Variants in FUT8 observed in about 807,000 individuals in gnomAD.
The protein encoded by FUT8 is fucosyltransferase 8.
A neutral mutation model predicts 71.3 loss-of-function variants in FUT8; 29 were observed. That is an observed-to-expected ratio of 0.41 (90% CI 0.30 to 0.55). The LOEUF (loss-of-function observed/expected upper bound fraction) is 0.55, where lower values mean the gene tolerates loss of function less well. FUT8 is among the 20% of genes least tolerant of loss of function. The pLI is 0.34. For missense variants in FUT8, 544 were observed against 702.1 expected (o/e 0.77, Z 2.55); for synonymous variants, 254 against 239.3 (o/e 1.06, Z -0.57).
At chr14:65,636,322 T>TG (rs71126773) in intron 6 of FUT8, among the ~76,000 whole-genome samples, 54,770 of 151,788 alleles carry the variant, frequency 0.36, 12,014 homozygotes, top group Non-Finnish European at 0.5. Context: ...TGTATTTTTT[T>TG]TTTGTTTGTT....
chr14:65,460,612 T>C (rs2065956798), intron 2 of FUT8, among the ~76,000 whole-genome samples: 1 of 152,172 alleles, frequency 6.6e-6, no homozygotes, highest in Non-Finnish European at 1.5e-5. Flanking sequence ...TCTGCCAGGA[T>C]TATCTGATGC....
intron 6 of FUT8, among the ~76,000 whole-genome samples, chr14:65,630,715 A>G (rs1168982254): frequency 1.3e-5 from 2 of 152,172 alleles, no homozygotes. Context: ...TAGATGAAAG[A>G]ACTGAAATGG....
At chr14:65,724,780 A>C (rs1895594353) in intron 9 of FUT8, among the ~76,000 whole-genome samples, 1 of 151,968 alleles carries the variant, frequency 6.6e-6, no homozygotes, top group Non-Finnish European at 1.5e-5. Flanking sequence ...CCACTATTTC[A>C]CTCTGTGCTC....
In FUT8 at chr14:65,609,360, T is replaced by G. The variant is rs1888757633; in HGVS notation, c.204-6618T>G. ...CTTTTCATTCTCTTAACTGTGTCTT[T>G]CTAAAAGAAGAGCTTTTAATTTTAG... On this transcript the variant is annotated intron_variant, in intron 3 of 10. Transcript: ENST00000673929. Among the ~76,000 whole-genome samples the G allele has an allele frequency of 2.6e-5, 4 of 151,942 alleles. No homozygotes were observed. In the Middle Eastern group the frequency reaches 0.01, roughly 390 times the overall value.
chr14:65,426,392 C>T (rs564380355), intron 1 of FUT8, among the ~76,000 whole-genome samples: 3 of 150,216 alleles, frequency 2.0e-5, no homozygotes, highest in East Asian at 2.0e-4. Flanking sequence ...GAGAAAAGCA[C>T]ACAAATTTAT....
rs1343034504 is a variant in FUT8, at chr14:65,743,479, T to G, written c.*1069T>G. 1 of 151,854 alleles carries G rather than the reference T, an allele frequency of 6.6e-6. No individual in the cohort carries two copies. The highest frequency in any genetic ancestry group is 2.4e-5 in the African/African-American group (1 of 41,354). 9.4% of individuals were successfully genotyped at this position (151,854 alleles called of 1,614,324 possible). ...TCCATTTCTAAAACCATTTCAGGTTTGTTTGGTAGTCTTTCTTAATGTATT... is the reference window on the plus strand; with the variant it reads ...TCCATTTCTAAAACCATTTCAGGTTGGTTTGGTAGTCTTTCTTAATGTATT... On this transcript the variant is annotated 3_prime_UTR_variant, in exon 11 of 11. Coordinates refer to ENST00000673929, the MANE Select transcript of FUT8 (RefSeq NM_001371533.1).
At chr14:65,736,506 A>G (rs1220789172) in intron 10 of FUT8, among the ~76,000 whole-genome samples, 1 of 151,874 alleles carries the variant, frequency 6.6e-6, no homozygotes, top group African/African-American at 2.4e-5. Flanking sequence ...CTCTGGGCCA[A>G]TGTACCACCT....
chr14:65,454,935 G>A (rs1039233959), intron 1 of FUT8, among the ~76,000 whole-genome samples: 2 of 152,202 alleles, frequency 1.3e-5, no homozygotes, highest in African/African-American at 4.8e-5. Flanking sequence ...ATGAGATGGT[G>A]CATGTATAAG....
chr14:65,694,376 A>G (rs964960596), intron 7 of FUT8, among the ~76,000 whole-genome samples: 15 of 152,182 alleles, frequency 9.9e-5, no homozygotes, highest in African/African-American at 3.6e-4. Context: ...TTAGTTTAAA[A>G]TATTTTTTAT....
At chr14:65,526,798 A>G (rs921329804) in intron 2 of FUT8, among the ~76,000 whole-genome samples, 11 of 152,062 alleles carry the variant, frequency 7.2e-5, no homozygotes, top group African/African-American at 2.7e-4. Context: ...TCTGTAAAGG[A>G]TTTTATTTCT....
intron 1 of FUT8, among the ~76,000 whole-genome samples, chr14:65,423,594 A>G (rs1220766612): frequency 6.6e-6 from 1 of 152,136 alleles, no homozygotes; most frequent in African/African-American, 2.4e-5. Context: ...TCATCTGGAA[A>G]GTCGTCTGCT....
intron 3 of FUT8, among the ~76,000 whole-genome samples, chr14:65,615,703 T>G (rs1352853893): frequency 5.9e-5 from 9 of 152,184 alleles, no homozygotes; most frequent in Non-Finnish European, 2.9e-5. Flanking sequence ...GGATGAAAGA[T>G]TTTTAGGAAA....
At chr14:65,548,219 G>A (rs1203352185) in intron 2 of FUT8, among the ~76,000 whole-genome samples, 1 of 151,900 alleles carries the variant, frequency 6.6e-6, no homozygotes, top group Admixed American at 6.6e-5. Context: ...TACTCTTGAA[G>A]GGACTTTATA....
At chr14:65,704,322 C>G (rs1010474538) in intron 7 of FUT8, among the ~76,000 whole-genome samples, 7 of 145,170 alleles carry the variant, frequency 4.8e-5, no homozygotes, top group African/African-American at 1.7e-4. Flanking sequence ...ATAAGGGGAA[C>G]TTAAGAGTGG....
chr14:65,367,020 G>A, the FUT8 span, among the ~76,000 whole-genome samples: 530 of 152,294 alleles, frequency 3.5e-3, 7 homozygotes, highest in African/African-American at 0.012. Context: ...TTAAGCAACC[G>A]ATTCCCTAAG....
rs529182107 is a variant in FUT8, at chr14:65,644,636, C to G, written c.597+15030C>G. ...TCGGCCTCCCAAAGTGCTGGGATTA[C>G]AGGTGTGAGCCACCGCGCCCGGCCA... On this transcript the variant is annotated intron_variant, in intron 6 of 10. Coordinates refer to ENST00000673929, the MANE Select transcript of FUT8 (RefSeq NM_001371533.1). 2.6e-5 allele frequency among the ~76,000 whole-genome samples: 4 copies of G among 152,306 alleles called. No homozygotes were observed. The East Asian group carries it at 7.7e-4, about 29-fold the overall frequency.
intron 1 of FUT8, among the ~76,000 whole-genome samples, chr14:65,448,430 AATC>A (rs1306188938): frequency 1.3e-5 from 2 of 152,232 alleles, no homozygotes; most frequent in Non-Finnish European, 2.9e-5. Flanking sequence ...GATTTAGAAT[AATC>A]ATAGACAATA....
chr14:65,461,160 C>T (rs2065963919), intron 2 of FUT8, among the ~76,000 whole-genome samples: 1 of 152,076 alleles, frequency 6.6e-6, no homozygotes, highest in African/African-American at 2.4e-5. Context: ...AGGTAAGAAT[C>T]CTTTCCTTCT....
At chr14:65,507,300 G>C (rs1295728716) in intron 2 of FUT8, among the ~76,000 whole-genome samples, 1 of 152,156 alleles carries the variant, frequency 6.6e-6, no homozygotes, top group African/African-American at 2.4e-5. Context: ...AAGAAGATTT[G>C]TGTCTGTCTC....
Sources: gnomAD v4.1 joint callset for allele counts (sites outside exome capture counted in the v4.1 genomes callset) on GRCh38, gnomAD v4.1.1 for gene constraint, MANE v1.5 for transcripts, NCBI Gene and HGNC (gene_info 2026-07-23, HGNC 2026-07-21) for gene names.